Variants in CPEB3 observed in about 807,000 individuals in gnomAD.
The protein encoded by CPEB3 is cytoplasmic polyadenylation element-binding protein 3.
CPEB3 carries 20 observed loss-of-function variants against 67.2 expected under a neutral mutation model. The ratio of observed to expected loss-of-function variants is 0.30; its 90% CI spans 0.21 to 0.43. The LOEUF (loss-of-function observed/expected upper bound fraction) is 0.43. CPEB3 is among the 20% of genes least tolerant of loss of function. The probability of loss-of-function intolerance (pLI) is 1.00; values close to 1 mark genes in which losing one functional copy is unlikely to be tolerated. For synonymous variants in CPEB3, 376 were observed against 393.1 expected (o/e 0.96, Z 0.51); for missense variants, 746 against 968.6 (o/e 0.77, Z 3.05).
At position 92,051,872 on chromosome 10, in the gene CPEB3, A is replaced by G. The variant is rs1590032556; in HGVS notation, c.*340T>C. On this transcript the variant is annotated 3_prime_UTR_variant, in exon 10 of 10. Transcript: ENST00000265997. ...CAACACCACAACAACAAACAAAAGA[A>G]TCACAGACAGTAGCCTGACGGCCGC... 5.0e-6 allele frequency: 1 copy of G among 201,864 alleles called. No homozygotes were observed. 12.5% of individuals were successfully genotyped at this position (201,864 alleles called of 1,614,324 possible).
At chr10:92,173,475 G>T (rs1848094537) in intron 4 of CPEB3, among the ~76,000 whole-genome samples, 1 of 152,080 alleles carries the variant, frequency 6.6e-6, no homozygotes, top group Non-Finnish European at 1.5e-5. Context: ...AATTTACTAA[G>T]CATTCAGAGC....
At chr10:92,215,483 C>T (rs1168963593) in intron 2 of CPEB3, among the ~76,000 whole-genome samples, 1 of 149,634 alleles carries the variant, frequency 6.7e-6, no homozygotes, top group Non-Finnish European at 1.5e-5. Flanking sequence ...CACTCTGTCA[C>T]CAGGCTGCAG....
intron 8 of CPEB3, among the ~76,000 whole-genome samples, chr10:92,085,596 A>ATTCTTTT (rs879902300): frequency 2.0e-5 from 3 of 151,960 alleles, no homozygotes; most frequent in African/African-American, 2.4e-5. Context: ...TTTGCTCCTG[A>ATTCTTTT]TTCTTTTTTC....
chr10:92,223,818 G>A (rs1850827673), intron 2 of CPEB3, among the ~76,000 whole-genome samples: 1 of 149,704 alleles, frequency 6.7e-6, no homozygotes, highest in African/African-American at 2.5e-5. Flanking sequence ...ATGTGATCTC[G>A]GCTCACTGCA....
At chr10:92,224,467 C>T (rs1850863341) in intron 2 of CPEB3, among the ~76,000 whole-genome samples, 1 of 152,030 alleles carries the variant, frequency 6.6e-6, no homozygotes, top group African/African-American at 2.4e-5. Flanking sequence ...CTTCTCCAGC[C>T]TCATCTCTCT....
intron 7 of CPEB3, among the ~76,000 whole-genome samples, chr10:92,098,160 T>TAAAAAAAAAAA (rs1166249584): frequency 8.3e-5 from 3 of 36,106 alleles, no homozygotes; most frequent in African/African-American, 1.1e-4. Flanking sequence ...ACACTCTGCC[T>TAAAAAAAAAAA]AAAAAAAAAA....
At chr10:92,074,108 A>G (rs1389119834) in intron 9 of CPEB3, among the ~76,000 whole-genome samples, 2 of 150,634 alleles carry the variant, frequency 1.3e-5, no homozygotes, top group Admixed American at 6.6e-5. Context: ...TTTTTTAATT[A>G]AAAAAATGGT....
chr10:92,203,508 G>GTATA (rs762019168), intron 2 of CPEB3, among the ~76,000 whole-genome samples: 59 of 116,574 alleles, frequency 5.1e-4, no homozygotes, highest in African/African-American at 1.1e-3. Context: ...ATATGTGTGT[G>GTATA]TATATATATA....
intron 1 of CPEB3, among the ~76,000 whole-genome samples, chr10:92,258,877 C>T (rs1852662623): frequency 6.6e-6 from 1 of 151,018 alleles, no homozygotes; most frequent in Non-Finnish European, 1.5e-5. Context: ...CCAGGATGGT[C>T]TCCATCTCTT....
rs1259093821 is a variant in CPEB3, at chr10:92,047,275, AC to A, written c.*4936del. ...TGGTTATTATAAAAGAAAAAAAAAA[AC>A]AAATGTTAGCTGACATACCATACAA... On this transcript the variant is annotated 3_prime_UTR_variant, in exon 10 of 10. Transcript: ENST00000265997. The A allele has an allele frequency of 2.0e-5, 3 of 152,138 alleles. No individual in the cohort carries two copies. The South Asian group carries it at 6.3e-4, about 32-fold the overall frequency. 9.4% of individuals were successfully genotyped at this position (152,138 alleles called of 1,614,324 possible). A position where few individuals can be genotyped will look rare whatever the true frequency, so the allele number is the denominator to read the frequency against.
chr10:92,199,794 C>G (rs1849428020), intron 2 of CPEB3, among the ~76,000 whole-genome samples: 1 of 151,752 alleles, frequency 6.6e-6, no homozygotes, highest in South Asian at 2.1e-4. Context: ...ATGTCAGGTC[C>G]CTTCTGCACT....
intron 9 of CPEB3, among the ~76,000 whole-genome samples, chr10:92,070,205 A>G (rs1842702161): frequency 6.6e-6 from 1 of 152,220 alleles, no homozygotes; most frequent in Admixed American, 6.5e-5. Flanking sequence ...AAATTTGTGA[A>G]AAACTGCATA....
intron 6 of CPEB3, among the ~76,000 whole-genome samples, chr10:92,119,612 CA>C (rs1238954221): frequency 6.6e-6 from 1 of 152,154 alleles, no homozygotes; most frequent in East Asian, 1.9e-4. Flanking sequence ...GGTGAGAGCC[CA>C]GGCCATTAAC....
intron 6 of CPEB3, among the ~76,000 whole-genome samples, chr10:92,142,391 C>T (rs1846478430): frequency 6.6e-6 from 1 of 152,160 alleles, no homozygotes; most frequent in Admixed American, 6.5e-5. Flanking sequence ...TAGGAACACA[C>T]CCAAATGAAT....
intron 1 of CPEB3, among the ~76,000 whole-genome samples, chr10:92,276,191 C>T (rs1440111620): frequency 2.6e-5 from 4 of 151,836 alleles, no homozygotes; most frequent in Non-Finnish European, 2.9e-5. Context: ...TATGGACATT[C>T]CACATTTTAT....
At chr10:92,206,223 C>T (rs924511492) in intron 2 of CPEB3, among the ~76,000 whole-genome samples, 5 of 151,996 alleles carry the variant, frequency 3.3e-5, no homozygotes, top group Non-Finnish European at 7.4e-5. Flanking sequence ...AGGCACGCGC[C>T]ACCACGCCCG....
At chr10:92,280,343 CAAAAAAA>C (rs60338900) in intron 1 of CPEB3, among the ~76,000 whole-genome samples, 6 of 37,810 alleles carry the variant, frequency 1.6e-4, no homozygotes, top group South Asian at 1.5e-3. Flanking sequence ...AACTCCATCT[CAAAAAAA>C]AAAAAAAAAA....
chr10:92,137,009 G>C, intron 6 of CPEB3: 1 of 218,584 alleles, frequency 4.6e-6, no homozygotes, highest in Non-Finnish European at 9.8e-6. Context: ...CTATGGTTTT[G>C]AGAAGTCCTC....
At chr10:92,231,858 T>C (rs1219024876) in intron 2 of CPEB3, among the ~76,000 whole-genome samples, 1 of 151,900 alleles carries the variant, frequency 6.6e-6, no homozygotes, top group Non-Finnish European at 1.5e-5. Flanking sequence ...TAGCTGCAAT[T>C]ACAAGAGCCC....
Sources: allele counts gnomAD v4.1 joint callset (sites outside exome capture counted in the v4.1 genomes callset), GRCh38; gene constraint gnomAD v4.1.1; transcripts MANE v1.5; gene names NCBI Gene and HGNC (gene_info 2026-07-23, HGNC 2026-07-21).